Variants in ACACA observed in about 807,000 individuals in gnomAD.
The protein encoded by ACACA is acetyl-CoA carboxylase alpha.
A neutral mutation model predicts 296.1 loss-of-function variants in ACACA; 103 were observed. The ratio of observed to expected loss-of-function variants is 0.35; its 90% CI spans 0.30 to 0.41. ACACA has a LOEUF of 0.41. ACACA is among the 10% of genes least tolerant of loss of function. The pLI is 1.00. For missense variants in ACACA, 1,554 were observed against 2,989.7 expected (o/e 0.52, Z 11.20); for synonymous variants, 953 against 1,038.6 (o/e 0.92, Z 1.58).
At chr17:37,390,844 T>A (rs2050851669) in intron 1 of ACACA, among the ~76,000 whole-genome samples, 1 of 151,574 alleles carries the variant, frequency 6.6e-6, no homozygotes, top group South Asian at 2.1e-4. Flanking sequence ...GAAATAGGCC[T>A]GAAGGGACTA....
At chr17:37,088,891 A>G in intron 55 of ACACA, 47 bp downstream of exon 55, 1 of 1,609,882 alleles carries the variant, frequency 6.2e-7, no homozygotes. Flanking sequence ...TTTATTCCAA[A>G]GAAATTAGCC....
intron 1 of ACACA, among the ~76,000 whole-genome samples, chr17:37,380,390 C>A (rs1018451190): frequency 6.6e-6 from 1 of 150,452 alleles, no homozygotes; most frequent in Non-Finnish European, 1.5e-5. Flanking sequence ...CTAACCTGCA[C>A]AATGTGCACA....
rs965704087 is a variant in ACACA at position 37,218,149 on chromosome 17, A to C, written c.3683+3575T>G. On this transcript the variant is annotated intron_variant, in intron 29 of 55. Coordinates refer to ENST00000616317, the MANE Select transcript of ACACA (RefSeq NM_198834.3). ...CTCTCCACGGGCACTACCAGTAACA[A>C]AAAAAAAAAAAAAAAAAAGAGGGCT... Among the ~76,000 whole-genome samples, 305 of 83,114 alleles carry C rather than the reference A, an allele frequency of 3.7e-3. 2 individuals are homozygous for C. Among genetic ancestry groups the C allele is most frequent in the African/African-American group, 5.8e-3 (93 of 16,022 alleles). 54.5% of individuals were successfully genotyped at this position (83,114 alleles called of 152,430 possible). A position where few individuals can be genotyped will look rare whatever the true frequency, so the allele number is the denominator to read the frequency against.
intron 51 of ACACA, among the ~76,000 whole-genome samples, chr17:37,111,877 C>G (rs547723608): frequency 6.6e-6 from 1 of 152,208 alleles, no homozygotes; most frequent in East Asian, 1.9e-4. Flanking sequence ...ATTACCACAC[C>G]AGTCGACTTC....
chr17:37,170,849 G>A (rs1385757012), intron 41 of ACACA, among the ~76,000 whole-genome samples: 1 of 152,200 alleles, frequency 6.6e-6, no homozygotes, highest in African/African-American at 2.4e-5. Flanking sequence ...ACTTCCCAAA[G>A]CTGCTGTTGT....
chr17:37,310,485 G>A (rs1370265351), intron 3 of ACACA, among the ~76,000 whole-genome samples: 1 of 152,038 alleles, frequency 6.6e-6, no homozygotes, highest in Non-Finnish European at 1.5e-5. Context: ...CAGTAGCAAA[G>A]GGATGAATTT....
intron 25 of ACACA, among the ~76,000 whole-genome samples, chr17:37,233,259 T>C (rs1444966356): frequency 6.6e-6 from 1 of 152,200 alleles, no homozygotes; most frequent in South Asian, 2.1e-4. Context: ...CCAGCGTGAT[T>C]ACTTGAGAAA....
intron 3 of ACACA, among the ~76,000 whole-genome samples, chr17:37,297,515 GTATGTATATGTGTGTGTATA>G (rs1256580240): frequency 7.1e-6 from 1 of 141,258 alleles, no homozygotes; most frequent in Non-Finnish European, 1.5e-5. Flanking sequence ...GTGTGTTTGT[GTATGTATATGTGTGTGTATA>G]TATATATATA....
intron 29 of ACACA, among the ~76,000 whole-genome samples, chr17:37,211,667 A>C (rs1444787688): frequency 1.3e-5 from 2 of 152,178 alleles, no homozygotes; most frequent in African/African-American, 4.8e-5. Context: ...AGGGAGGAAA[A>C]CGATGCACTT....
chr17:37,405,132 C>T lies in ACACA; in HGVS notation c.38+1130G>A, dbSNP rs78402730. Among the ~76,000 whole-genome samples, 293 of 152,236 alleles carry T rather than the reference C, an allele frequency of 1.9e-3. 3 individuals are homozygous for T. The highest frequency in any genetic ancestry group is 6.8e-3 in the African/African-American group (282 of 41,552). Reference sequence around the variant, plus strand: ...TTCCCTCTAGAAATCCATGTTGCTCCTTCTCTCATTAAATGATCAGATATT... The same window carrying T: ...TTCCCTCTAGAAATCCATGTTGCTCTTTCTCTCATTAAATGATCAGATATT... On this transcript the variant is annotated intron_variant, in intron 1 of 55. Transcript: ENST00000616317.
chr17:37,298,189 G>C (rs759349091), intron 3 of ACACA, among the ~76,000 whole-genome samples: 4 of 152,024 alleles, frequency 2.6e-5, no homozygotes, highest in Admixed American at 6.6e-5. Context: ...CCCCTCAAAG[G>C]GTGGAAGAAG....
chr17:37,244,996 C>T, intron 20 of ACACA, 84 bp downstream of exon 20: 1 of 1,589,744 alleles, frequency 6.3e-7, no homozygotes, highest in Non-Finnish European at 8.6e-7. Context: ...CACTGGCAAA[C>T]CAAGCATTGA....
At chr17:37,231,032 G>C (rs1041505908) in intron 25 of ACACA, among the ~76,000 whole-genome samples, 3 of 152,096 alleles carry the variant, frequency 2.0e-5, no homozygotes, top group Admixed American at 2.0e-4. Flanking sequence ...CTAACTATAG[G>C]AAATAGTTCG....
chr17:37,156,719 A>G (rs2076267452), intron 42 of ACACA, among the ~76,000 whole-genome samples: 2 of 152,386 alleles, frequency 1.3e-5, no homozygotes, highest in South Asian at 2.1e-4. Context: ...GTTACATGGT[A>G]TATGTGTTTA....
At position 37,179,112 on chromosome 17, in the gene ACACA, T is replaced by C. The variant is rs543801996; in HGVS notation, c.5079+148A>G. The C allele has an allele frequency of 3.0e-6, 3 of 1,004,794 alleles. No homozygotes were observed. The East Asian group carries it at 7.8e-5, about 26-fold the overall frequency. 62.2% of individuals were successfully genotyped at this position (1,004,794 alleles called of 1,614,324 possible). A position where few individuals can be genotyped will look rare whatever the true frequency, so the allele number is the denominator to read the frequency against. On this transcript the variant is annotated intron_variant, in intron 41 of 55. Transcript: ENST00000616317. ...ACCATTATCACACCTAAAAAATTAA[T>C]AATTTCTTGATACTCAGTCAATGCT...
intron 46 of ACACA, 126 bp from the exon 47 acceptor site, chr17:37,129,611 C>T (rs2074992598): frequency 7.8e-7 from 1 of 1,289,238 alleles, no homozygotes; most frequent in Non-Finnish European, 1.1e-6. Context: ...TAGTCCCAAT[C>T]TTCAGCTGGA....
chr17:37,290,291 T>C (rs2082984864), intron 3 of ACACA, among the ~76,000 whole-genome samples: 1 of 152,194 alleles, frequency 6.6e-6, no homozygotes, highest in African/African-American at 2.4e-5. Flanking sequence ...TCAAGTGATC[T>C]GCCTGCCTCA....
intron 29 of ACACA, among the ~76,000 whole-genome samples, chr17:37,215,746 A>C (rs1215233563): frequency 6.6e-6 from 1 of 152,148 alleles, no homozygotes; most frequent in African/African-American, 2.4e-5. Context: ...GTGATACTTA[A>C]GTTTCTGAAT....
Position 37,390,307 on chromosome 17 carries a change from TATATATATA to T in ACACA, c.38+15946_38+15954del, listed in dbSNP as rs2050793667. Among the ~76,000 whole-genome samples the T allele has an allele frequency of 4.4e-4, 19 of 42,952 alleles. 2 individuals carry two copies. In the East Asian group the frequency reaches 0.028, roughly 64 times the overall value. The allele number at this position is 42,952 out of a possible 152,430, so 28.2% of individuals were successfully genotyped here. ...TATAATTATATATTATACATAATTA[TATATATATA>T]TATATATATATATATATAAAAGGCC... On this transcript the variant is annotated intron_variant, in intron 1 of 55. Transcript: ENST00000616317.
Sources: allele counts gnomAD v4.1 joint callset (sites outside exome capture counted in the v4.1 genomes callset), GRCh38; gene constraint gnomAD v4.1.1; transcripts MANE v1.5; gene names NCBI Gene and HGNC (gene_info 2026-07-23, HGNC 2026-07-21).